Variants in KIAA1217 observed in about 807,000 individuals in gnomAD.
KIAA1217 encodes KIAA1217, also known as sickle tail protein homolog.
In KIAA1217, 88 loss-of-function variants were observed where a neutral mutation model predicts 163.9. That is an observed-to-expected ratio of 0.54 (90% CI 0.45 to 0.64). The LOEUF (loss-of-function observed/expected upper bound fraction) is 0.64, where lower values mean the gene tolerates loss of function less well. Among genes scored for constraint, KIAA1217 ranks in the 30% least tolerant of loss-of-function variants. The pLI is 0.00. For missense variants in KIAA1217, 2,372 were observed against 2,475.0 expected (o/e 0.96, Z 0.88); for synonymous variants, 903 against 923.1 (o/e 0.98, Z 0.39).
chr10:23,742,900 C>T (rs1044440802), intron 1 of KIAA1217, among the ~76,000 whole-genome samples: 1 of 152,040 alleles, frequency 6.6e-6, no homozygotes, highest in Non-Finnish European at 1.5e-5. Flanking sequence ...TGTAGGGGTT[C>T]AGGGGAGATC....
Position 23,994,431 on chromosome 10 carries a change from C to T in KIAA1217, c.-320-12794C>T, listed in dbSNP as rs140852875. On this transcript the variant is annotated intron_variant, in intron 1 of 18. Transcript: ENST00000376462. The stretch of plus-strand genomic sequence containing the variant: ...ACCTTATCCATGGGACTATCGTGAT[C>T]GTTGGGTTCTCCGGATGGAGTCCTA... Among the ~76,000 whole-genome samples, 68 of 152,300 alleles carry T rather than the reference C, an allele frequency of 4.5e-4. 1 individual carries two copies. The highest frequency in any genetic ancestry group is 1.5e-3 in the African/African-American group (62 of 41,564).
chr10:23,872,630 C>T (rs756559865), intron 1 of KIAA1217, among the ~76,000 whole-genome samples: 176 of 152,132 alleles, frequency 1.2e-3, no homozygotes, highest in Non-Finnish European at 2.2e-3. Flanking sequence ...GGCAAAGCTG[C>T]TTTGCCTTGA....
chr10:23,973,514 C>A (rs1679852380), intron 1 of KIAA1217, among the ~76,000 whole-genome samples: 1 of 152,236 alleles, frequency 6.6e-6, no homozygotes, highest in African/African-American at 2.4e-5. Context: ...GGTTCCCAAC[C>A]TCCCATAGGG....
At chr10:23,993,869 C>T (rs1213096704) in intron 1 of KIAA1217, among the ~76,000 whole-genome samples, 5 of 152,006 alleles carry the variant, frequency 3.3e-5, no homozygotes, top group Non-Finnish European at 7.4e-5. Context: ...CATGAGCAAC[C>T]GCACCCAGTC....
chr10:24,536,833 G>A lies in KIAA1217; in HGVS notation c.3474G>A (p.Arg1158=), dbSNP rs770099236. 1.2e-6 allele frequency: 2 copies of A among 1,613,978 alleles called. No homozygotes were observed. The highest frequency in any genetic ancestry group is 2.2e-5 in the East Asian group (1 of 44,868). Residue 1158 remains arginine, a synonymous_variant, in exon 17 of 21, where the codon CGG becomes CGA. Transcript: ENST00000376454. The part of the protein sequence containing the change: ...VNSNSHAEPS[R]ADSHVKDTRS... ...CAAACAGTCATGCTGAGCCATCCCG[G>A]GCTGACAGTCACGTTAAAGACACTA...
rs181215134 is a variant in KIAA1217, at chr10:23,962,266, T to A, written c.-320-44959T>A. Among the ~76,000 whole-genome samples, 40 of 152,256 alleles carry A rather than the reference T, an allele frequency of 2.6e-4. No individual in the cohort carries two copies. In the East Asian group the frequency reaches 7.5e-3, roughly 29 times the overall value. On this transcript the variant is annotated intron_variant, in intron 1 of 18. Transcript: ENST00000376462. Reference sequence around the variant, plus strand: ...TACCTGTCTGACCAACGACATAACCTCACATAGCCTCAGTTTCCACATCTA... The same window carrying A: ...TACCTGTCTGACCAACGACATAACCACACATAGCCTCAGTTTCCACATCTA...
At chr10:24,199,726 G>T (rs903821232) in intron 2 of KIAA1217, among the ~76,000 whole-genome samples, 3 of 152,054 alleles carry the variant, frequency 2.0e-5, no homozygotes, top group Non-Finnish European at 4.4e-5. Context: ...ATCAAACTGT[G>T]TTTATTATTT....
chr10:23,787,065 C>A (rs1564418567), intron 1 of KIAA1217, among the ~76,000 whole-genome samples: 1 of 152,046 alleles, frequency 6.6e-6, no homozygotes, highest in Non-Finnish European at 1.5e-5. Context: ...ATCTTTGAGT[C>A]TTTTTTGCAT....
At chr10:24,119,499 C>T (rs932566980) in intron 2 of KIAA1217, among the ~76,000 whole-genome samples, 2 of 152,100 alleles carry the variant, frequency 1.3e-5, no homozygotes, top group African/African-American at 2.4e-5. Context: ...CATAAAAATA[C>T]GTCAAACTGC....
chr10:23,701,606 C>T (rs939904437), intron 1 of KIAA1217, among the ~76,000 whole-genome samples: 6 of 152,208 alleles, frequency 3.9e-5, no homozygotes, highest in Non-Finnish European at 8.8e-5. Flanking sequence ...TGAAGCATTA[C>T]ATGAACAACA....
chr10:23,948,613 T>C (rs1256607124), intron 1 of KIAA1217, among the ~76,000 whole-genome samples: 2 of 152,186 alleles, frequency 1.3e-5, no homozygotes, highest in Non-Finnish European at 2.9e-5. Flanking sequence ...TATTCATTAT[T>C]GCCATTTTCC....
At chr10:24,196,125 C>T (rs1043645318) in intron 2 of KIAA1217, among the ~76,000 whole-genome samples, 2 of 127,936 alleles carry the variant, frequency 1.6e-5, no homozygotes, top group African/African-American at 3.2e-5. Flanking sequence ...CAGAGTGAGA[C>T]CCTGTCTCAA....
In KIAA1217 at chr10:24,514,582, CAG is replaced by C. The variant is rs1443533616; in HGVS notation, c.2177+1151_2177+1152del. 2.6e-5 allele frequency among the ~76,000 whole-genome samples: 4 copies of C among 152,288 alleles called. No individual in the cohort carries two copies. In the East Asian group the frequency reaches 5.8e-4, roughly 22 times the overall value. On this transcript the variant is annotated intron_variant, in intron 10 of 20. Coordinates refer to ENST00000376454, the MANE Select transcript of KIAA1217 (RefSeq NM_019590.5). ...TCTACTTAGTTCACACATTTATAGA[CAG>C]AGTTAATCACCCACCATGAGTTGGT... is the stretch of plus-strand genomic sequence containing the variant.
intron 2 of KIAA1217, among the ~76,000 whole-genome samples, chr10:24,268,100 A>C (rs2076408367): frequency 6.6e-6 from 1 of 152,170 alleles, no homozygotes; most frequent in African/African-American, 2.4e-5. Context: ...TATTTTAAAA[A>C]ACACACACAA....
rs190945709 is a variant in KIAA1217, at chr10:23,794,934, G to A, written c.-321+99700G>A. On this transcript the variant is annotated intron_variant, in intron 1 of 18. Transcript: ENST00000376462. ...CTCTTTGAATAGCTGATTACATTTC[G>A]CCTGACTCAGTTTCCAGCTTGTGAT... Among the ~76,000 whole-genome samples, 180 of 152,224 alleles carry A rather than the reference G, an allele frequency of 1.2e-3. 2 individuals carry two copies. The highest frequency in any genetic ancestry group is 3.7e-3 in the Admixed American group (56 of 15,292).
At chr10:24,081,896 A>C (rs755127588) in intron 2 of KIAA1217, among the ~76,000 whole-genome samples, 4 of 152,192 alleles carry the variant, frequency 2.6e-5, no homozygotes, top group Non-Finnish European at 4.4e-5. Context: ...CTTACATTCT[A>C]GTGTCCCTTG....
intron 2 of KIAA1217, among the ~76,000 whole-genome samples, chr10:24,374,187 A>G (rs2052118396): frequency 6.6e-6 from 1 of 152,264 alleles, no homozygotes; most frequent in East Asian, 1.9e-4. Flanking sequence ...GTCAGGGAAG[A>G]GAAATACTAA....
At chr10:24,052,847 T>A (rs1849614925) in intron 2 of KIAA1217, among the ~76,000 whole-genome samples, 1 of 152,128 alleles carries the variant, frequency 6.6e-6, no homozygotes, top group African/African-American at 2.4e-5. Context: ...GAGCAAATTA[T>A]CACGAGCCTC....
intron 2 of KIAA1217, among the ~76,000 whole-genome samples, chr10:24,241,881 A>G (rs1473988458): frequency 1.3e-5 from 2 of 152,044 alleles, no homozygotes; most frequent in African/African-American, 2.4e-5. Context: ...CAGGTTCCAC[A>G]CTCCTGGGAG....
Sources: gnomAD v4.1 joint callset for allele counts (sites outside exome capture counted in the v4.1 genomes callset) on GRCh38, gnomAD v4.1.1 for gene constraint, MANE v1.5 for transcripts, NCBI Gene and HGNC (gene_info 2026-07-23, HGNC 2026-07-21) for gene names.